The following RGS6 variants were observed in gnomAD, a reference collection of about 807,000 sequenced individuals.
RGS6 encodes regulator of G protein signaling 6, also known as regulator of G-protein signaling 6.
A neutral mutation model predicts 78.5 loss-of-function variants in RGS6; 30 were observed. That is an observed-to-expected ratio of 0.38 (90% confidence interval 0.29 to 0.52). The LOEUF (loss-of-function observed/expected upper bound fraction) is 0.52. Among genes scored for constraint, RGS6 ranks in the 20% least tolerant of loss-of-function variants. The probability of loss-of-function intolerance (pLI) is 0.85; values close to 1 mark genes in which losing one functional copy is unlikely to be tolerated. For missense variants in RGS6, 495 were observed against 609.7 expected (o/e 0.81, Z 1.98); for synonymous variants, 206 against 206.0 (o/e 1.00, Z 0.00).
the RGS6 span, among the ~76,000 whole-genome samples, chr14:72,581,929 G>A: frequency 1.3e-5 from 2 of 152,354 alleles, no homozygotes; most frequent in South Asian, 2.1e-4. Flanking sequence ...GAAAGTTCAA[G>A]GGCATAGCCC....
chr14:71,918,710 G>T, the RGS6 span, among the ~76,000 whole-genome samples: 1 of 151,978 alleles, frequency 6.6e-6, no homozygotes, highest in Non-Finnish European at 1.5e-5. Flanking sequence ...TTTCCATTAC[G>T]TGAAATAGTC....
intron 2 of RGS6, among the ~76,000 whole-genome samples, chr14:72,292,788 A>C (rs942264545): frequency 6.6e-6 from 1 of 152,160 alleles, no homozygotes; most frequent in Non-Finnish European, 1.5e-5. Flanking sequence ...CTCTTGAGAG[A>C]TTTCTTTGTA....
At chr14:72,144,913 C>T (rs562053051) in intron 2 of RGS6, among the ~76,000 whole-genome samples, 3 of 152,226 alleles carry the variant, frequency 2.0e-5, no homozygotes, top group African/African-American at 7.2e-5. Flanking sequence ...AATCAGTCTC[C>T]TGAAGCATTC....
chr14:72,095,477 G>A (rs1356196229), intron 2 of RGS6, among the ~76,000 whole-genome samples: 4 of 152,226 alleles, frequency 2.6e-5, no homozygotes, highest in South Asian at 4.1e-4. Flanking sequence ...GCTGGCCACA[G>A]CTTTCCTTCT....
intron 2 of RGS6, among the ~76,000 whole-genome samples, chr14:71,983,223 CA>C (rs1392811044): frequency 6.6e-6 from 1 of 152,174 alleles, no homozygotes. Context: ...ACATTCACCA[CA>C]GCCTAGTTAT....
chr14:72,081,918 T>C (rs1253499716), intron 2 of RGS6, among the ~76,000 whole-genome samples: 1 of 152,128 alleles, frequency 6.6e-6, no homozygotes, highest in African/African-American at 2.4e-5. Flanking sequence ...AAAGTTCTCA[T>C]TTAGCCCAAG....
chr14:72,243,393 G>C lies in RGS6; in HGVS notation c.85-108702G>C, dbSNP rs146807076. On this transcript the variant is annotated intron_variant, in intron 2 of 17. Transcript: ENST00000553525. ...CCCTTGATTTGAACATCCCTTGGCA[G>C]CTTTGTGGATAATACAGTGTGAGAG... is the stretch of plus-strand genomic sequence containing the variant. 8.0e-3 allele frequency among the ~76,000 whole-genome samples: 1,224 copies of C among 152,280 alleles called. 20 individuals carry two copies. Among genetic ancestry groups the C allele is most frequent in the African/African-American group, 0.028 (1,165 of 41,558 alleles).
intron 2 of RGS6, among the ~76,000 whole-genome samples, chr14:72,236,950 G>A (rs2051238145): frequency 6.6e-6 from 1 of 152,220 alleles, no homozygotes; most frequent in Non-Finnish European, 1.5e-5. Context: ...GGTGATGCTA[G>A]TGCCTCTTTC....
intron 16 of RGS6, chr14:72,537,704 T>G: frequency 3.3e-6 from 2 of 609,180 alleles, no homozygotes; most frequent in South Asian, 2.0e-5. Flanking sequence ...CCAGATCTCA[T>G]GGATGAAGGT....
chr14:72,591,028 T>G, the RGS6 span, among the ~76,000 whole-genome samples: 1 of 152,104 alleles, frequency 6.6e-6, no homozygotes, highest in South Asian at 2.1e-4. Flanking sequence ...GCATGGTGTA[T>G]GGGTACCAGT....
At chr14:72,329,133 C>G (rs1157607120) in intron 2 of RGS6, among the ~76,000 whole-genome samples, 2 of 152,210 alleles carry the variant, frequency 1.3e-5, no homozygotes, top group African/African-American at 2.4e-5. Context: ...CTCAGCCTCC[C>G]AAAGTGCTGG....
intron 3 of RGS6, among the ~76,000 whole-genome samples, chr14:72,372,493 G>A (rs1312510229): frequency 1.3e-5 from 2 of 152,054 alleles, no homozygotes; most frequent in Non-Finnish European, 2.9e-5. Context: ...TTTTTTATAA[G>A]AATTAATGGC....
At chr14:72,058,507 G>GTTT (rs756553187) in intron 2 of RGS6, among the ~76,000 whole-genome samples, 576 of 144,814 alleles carry the variant, frequency 4.0e-3, no homozygotes, top group African/African-American at 0.014. Flanking sequence ...TATATAAAGG[G>GTTT]TTTTTTTTTT....
the RGS6 span, among the ~76,000 whole-genome samples, chr14:71,925,831 A>G: frequency 6.6e-6 from 1 of 151,732 alleles, no homozygotes. Flanking sequence ...TACAGCTTAC[A>G]AAATCACATA....
chr14:72,415,684 C>T (rs912537707), intron 3 of RGS6, among the ~76,000 whole-genome samples: 13 of 152,258 alleles, frequency 8.5e-5, no homozygotes, highest in Admixed American at 2.6e-4. Flanking sequence ...TTGGCTCCAC[C>T]CCCCCGGCAA....
chr14:72,042,947 G>A (rs186938064), intron 2 of RGS6, among the ~76,000 whole-genome samples: 8 of 152,254 alleles, frequency 5.3e-5, no homozygotes, highest in Admixed American at 5.2e-4. Flanking sequence ...AAGTGTGAGA[G>A]TGTTACATTG....
At chr14:72,439,300 A>G (rs1368155114) in intron 3 of RGS6, among the ~76,000 whole-genome samples, 3 of 152,256 alleles carry the variant, frequency 2.0e-5, no homozygotes, top group Non-Finnish European at 2.9e-5. Flanking sequence ...AGCTCGATAA[A>G]TGCTTTAGTG....
At chr14:72,301,102 CA>C (rs754214354) in intron 2 of RGS6, among the ~76,000 whole-genome samples, 5 of 152,182 alleles carry the variant, frequency 3.3e-5, no homozygotes, top group Admixed American at 3.3e-4. Flanking sequence ...TGTGTGAAAA[CA>C]AGGTAGGATT....
At chr14:71,945,661 A>G (rs2152974444) in intron 1 of RGS6, among the ~76,000 whole-genome samples, 1 of 152,264 alleles carries the variant, frequency 6.6e-6, no homozygotes, top group African/African-American at 2.4e-5. Flanking sequence ...TTTTTTCTAG[A>G]AGCAGAACAG....
Sources: gnomAD v4.1 joint callset for allele counts (sites outside exome capture counted in the v4.1 genomes callset) on GRCh38, gnomAD v4.1.1 for gene constraint, MANE v1.5 for transcripts, NCBI Gene and HGNC (gene_info 2026-07-23, HGNC 2026-07-21) for gene names.